The following SLC4A10 variants were observed in gnomAD, a reference collection of about 807,000 sequenced individuals.
SLC4A10 encodes sodium-driven chloride bicarbonate exchanger.
Under a neutral mutation model 137.7 loss-of-function variants are expected in SLC4A10, and 42 were observed. The observed-to-expected ratio is 0.30, with a 90% CI of 0.24 to 0.39. SLC4A10 has a LOEUF of 0.39. SLC4A10 is among the 10% of genes least tolerant of loss of function. The pLI, the probability that SLC4A10 is intolerant of heterozygous loss-of-function variation, is 1.00. For synonymous variants in SLC4A10, 474 were observed against 464.1 expected (o/e 1.02, Z -0.27); for missense variants, 925 against 1,355.0 (o/e 0.68, Z 4.98).
chr2:161,641,742 T>C (rs1558926080), intron 1 of SLC4A10, among the ~76,000 whole-genome samples: 1 of 152,044 alleles, frequency 6.6e-6, no homozygotes, highest in Non-Finnish European at 1.5e-5. Flanking sequence ...TAAAGGGAGT[T>C]GGAATATCCA....
rs759673660 is a variant in SLC4A10, at chr2:161,804,494, G to T, written c.176G>T (p.Arg59Ile). The T allele has an allele frequency of 6.2e-7, 1 of 1,613,034 alleles. No individual in the cohort carries two copies. The highest frequency in any genetic ancestry group is 8.5e-7 in the Non-Finnish European group (1 of 1,179,410). Residue 59 changes from arginine to isoleucine, a missense_variant, in exon 3 of 27, where the codon AGA becomes ATA. Arg to Ile is a moderately conservative substitution (Grantham distance 97). Coordinates refer to ENST00000446997, the MANE Select transcript of SLC4A10 (RefSeq NM_001178015.2). ...GGAGTACATGTGCCCTTGGGAGGAA[G>T]AAAAAGCCATCGACGTCACAGGCAT... ...FIGVHVPLGG[R>I]KSHRRHRHRG...
At chr2:161,943,239 T>G (rs1472750088) in intron 16 of SLC4A10, among the ~76,000 whole-genome samples, 1 of 152,082 alleles carries the variant, frequency 6.6e-6, no homozygotes, top group Non-Finnish European at 1.5e-5. Context: ...CAGAATGCTC[T>G]TACTTTACTC....
At chr2:161,835,484 G>A (rs1293598723) in intron 3 of SLC4A10, among the ~76,000 whole-genome samples, 1 of 150,894 alleles carries the variant, frequency 6.6e-6, no homozygotes, top group East Asian at 2.0e-4. Context: ...GACGATTTCG[G>A]AGAGAACTCC....
chr2:161,844,909 T>G (rs2059400105), intron 4 of SLC4A10, among the ~76,000 whole-genome samples: 1 of 152,082 alleles, frequency 6.6e-6, no homozygotes, highest in South Asian at 2.1e-4. Flanking sequence ...AATCCACCCC[T>G]CTCTCCCCAC....
At chr2:161,942,952 A>T in intron 16 of SLC4A10, 55 bp downstream of exon 16, 3 of 1,406,326 alleles carry the variant, frequency 2.1e-6, no homozygotes. Context: ...TGACATTTTG[A>T]CTCAATTATT....
At chr2:161,643,052 T>C (rs2035529968) in intron 1 of SLC4A10, among the ~76,000 whole-genome samples, 2 of 152,022 alleles carry the variant, frequency 1.3e-5, no homozygotes, top group South Asian at 2.1e-4. Flanking sequence ...TCCTTTAATA[T>C]TTTTAAGTAT....
intron 12 of SLC4A10, 139 bp from the exon 13 acceptor site, chr2:161,903,865 C>A: frequency 2.5e-6 from 2 of 798,700 alleles, no homozygotes; most frequent in Non-Finnish European, 3.9e-6. Flanking sequence ...TGTTATAAGA[C>A]AATGCAGCAG....
At chr2:161,818,586 T>C (rs1330350236) in intron 3 of SLC4A10, among the ~76,000 whole-genome samples, 1 of 152,116 alleles carries the variant, frequency 6.6e-6, no homozygotes, top group African/African-American at 2.4e-5. Flanking sequence ...CCAGTTTTTG[T>C]CCATTCAGTA....
intron 3 of SLC4A10, among the ~76,000 whole-genome samples, chr2:161,822,799 A>G (rs2057730534): frequency 6.6e-6 from 1 of 151,910 alleles, no homozygotes; most frequent in Admixed American, 6.6e-5. Flanking sequence ...ACATGGCAAA[A>G]CCTCCTCTCT....
At chr2:161,980,178 G>A (rs148353885) in intron 26 of SLC4A10, among the ~76,000 whole-genome samples, 1 of 152,294 alleles carries the variant, frequency 6.6e-6, no homozygotes, top group Non-Finnish European at 1.5e-5. Flanking sequence ...GGCAATGTTA[G>A]GAAAAGCAGC....
chr2:161,894,614 A>G, intron 10 of SLC4A10, 65 bp from the exon 11 acceptor site: 1 of 900,098 alleles, frequency 1.1e-6, no homozygotes, highest in Non-Finnish European at 1.5e-6. Flanking sequence ...AGTTGAAAAC[A>G]CTGAACACAT....
intron 1 of SLC4A10, among the ~76,000 whole-genome samples, chr2:161,700,016 G>C (rs765550919): frequency 6.6e-6 from 1 of 152,074 alleles, no homozygotes; most frequent in East Asian, 1.9e-4. Flanking sequence ...AAATATCCTA[G>C]GGTTATTAAA....
intron 1 of SLC4A10, among the ~76,000 whole-genome samples, chr2:161,638,410 C>T (rs1394065948): frequency 6.6e-6 from 1 of 151,952 alleles, no homozygotes; most frequent in Non-Finnish European, 1.5e-5. Flanking sequence ...GCTCATGATG[C>T]TTTTGTCAAA....
chr2:161,946,429 A>G (rs1156959070), intron 16 of SLC4A10, among the ~76,000 whole-genome samples: 1 of 152,042 alleles, frequency 6.6e-6, no homozygotes, highest in East Asian at 1.9e-4. Context: ...CAAAGATTTC[A>G]GGCCTAAAGT....
At chr2:161,873,139 G>T (rs1157832615) in intron 7 of SLC4A10, among the ~76,000 whole-genome samples, 1 of 152,146 alleles carries the variant, frequency 6.6e-6, no homozygotes, top group South Asian at 2.1e-4. Flanking sequence ...AGTCATTACT[G>T]TAAGGAAATC....
At chr2:161,808,825 C>T (rs1424883304) in intron 3 of SLC4A10, among the ~76,000 whole-genome samples, 1 of 151,994 alleles carries the variant, frequency 6.6e-6, no homozygotes, top group Non-Finnish European at 1.5e-5. Context: ...CATAAGGAAA[C>T]CTAGTTGATT....
intron 23 of SLC4A10, among the ~76,000 whole-genome samples, chr2:161,968,807 G>A (rs1483272157): frequency 6.6e-6 from 1 of 152,166 alleles, no homozygotes; most frequent in African/African-American, 2.4e-5. Context: ...AAAGAGTATG[G>A]TCACTAAAGA....
At chr2:161,930,955 C>T (rs79778495) in intron 15 of SLC4A10, among the ~76,000 whole-genome samples, 266 of 117,644 alleles carry the variant, frequency 2.3e-3, no homozygotes, top group Admixed American at 4.6e-3. Context: ...TTTTTTAAGA[C>T]GCGTCTCGCT....
At chr2:161,851,072 G>A (rs760585866) in intron 4 of SLC4A10, among the ~76,000 whole-genome samples, 1 of 152,140 alleles carries the variant, frequency 6.6e-6, no homozygotes, top group Non-Finnish European at 1.5e-5. Context: ...TGTTCTGAGA[G>A]CATGTTTGGT....
Sources: gnomAD v4.1 joint callset for allele counts (sites outside exome capture counted in the v4.1 genomes callset) on GRCh38, gnomAD v4.1.1 for gene constraint, MANE v1.5 for transcripts, NCBI Gene and HGNC (gene_info 2026-07-23, HGNC 2026-07-21) for gene names.